Variants in SAMSN1 observed in about 807,000 individuals in gnomAD.
SAMSN1 encodes the protein SAM domain-containing protein SAMSN-1.
In SAMSN1, 31 loss-of-function variants were observed where a neutral mutation model predicts 42.0. The observed-to-expected ratio is 0.74, with a 90% confidence interval of 0.55 to 1.00. SAMSN1 has a LOEUF of 1.00. Among genes scored for constraint, SAMSN1 ranks in the 50% least tolerant of loss-of-function variants. The pLI is 0.00. For missense variants in SAMSN1, 464 were observed against 439.4 expected, an observed-to-expected ratio of 1.06 and a Z score of -0.50; for synonymous variants, 178 against 151.9, an observed-to-expected ratio of 1.17 and a Z score of -1.26.
chr21:14,545,596 A>C (rs1300162489), intron 1 of SAMSN1, among the ~76,000 whole-genome samples: 4 of 152,024 alleles, frequency 2.6e-5, no homozygotes, highest in African/African-American at 7.2e-5. Context: ...CATTCCACAT[A>C]TTACCAATTT....
intron 1 of SAMSN1, among the ~76,000 whole-genome samples, chr21:14,657,225 C>T (rs1412178984): frequency 1.3e-5 from 2 of 151,716 alleles, no homozygotes; most frequent in Non-Finnish European, 2.9e-5. Flanking sequence ...CTTATTAAAG[C>T]AACTGAATTT....
In SAMSN1 at chr21:14,485,754, G is replaced by A; in HGVS notation, c.*158C>T. On this transcript the variant is annotated 3_prime_UTR_variant, in exon 8 of 8. Transcript: ENST00000400566. Reference sequence around the variant, plus strand: ...TTATTGACAGTAATTTGGAATGTTAGAGATACAAAATTTTATGTACAATTA... The same window carrying A: ...TTATTGACAGTAATTTGGAATGTTAAAGATACAAAATTTTATGTACAATTA... The A allele has an allele frequency of 1.8e-6, 1 of 561,130 alleles. No individual in the cohort carries two copies. The highest frequency in any genetic ancestry group is 2.9e-5 in the East Asian group (1 of 34,820). The allele number at this position is 561,130 out of a possible 1,614,324, so 34.8% of individuals were successfully genotyped here.
intron 1 of SAMSN1, among the ~76,000 whole-genome samples, chr21:14,652,558 T>C (rs1983853168): frequency 6.6e-6 from 1 of 152,054 alleles, no homozygotes; most frequent in South Asian, 2.1e-4. Flanking sequence ...ATTCAAGACT[T>C]AAATCTAAGA....
At position 14,648,289 on chromosome 21, in the gene SAMSN1, A is replaced by C. The variant is rs534759218; in HGVS notation, c.25-5156T>G. Among the ~76,000 whole-genome samples, 719 of 152,318 alleles carry C rather than the reference A, an allele frequency of 4.7e-3. 8 individuals are homozygous for C. The highest frequency in any genetic ancestry group is 0.016 in the African/African-American group (685 of 41,550). ...CAATTCAAGATGGATTAAAGACTTA[A>C]ACGTTAGACCTAAAACCATAAAAAC... On this transcript the variant is annotated intron_variant, in intron 1 of 15. Transcript: ENST00000647101.
At chr21:14,495,612 T>TTC (rs1986885866) in intron 7 of SAMSN1, 1 of 152,208 alleles carries the variant, frequency 6.6e-6, no homozygotes, top group East Asian at 1.9e-4. Context: ...CTGGCTGTCA[T>TTC]TAAGTAATCA....
intron 5 of SAMSN1, chr21:14,602,122 C>T (rs534135372): frequency 3.3e-6 from 2 of 603,172 alleles, no homozygotes; most frequent in South Asian, 2.0e-5. Context: ...ATAACTGTTA[C>T]ATACAGAATA....
chr21:14,551,834 G>T, intron 2 of SAMSN1, among the ~76,000 whole-genome samples: 1 of 152,164 alleles, frequency 6.6e-6, no homozygotes, highest in Non-Finnish European at 1.5e-5. Flanking sequence ...GTTTGGTAAC[G>T]TGTCTAGTTT....
chr21:14,630,563 A>G (rs148279992), intron 2 of SAMSN1, among the ~76,000 whole-genome samples: 2 of 152,300 alleles, frequency 1.3e-5, no homozygotes, highest in East Asian at 3.9e-4. Context: ...AATTAAAACT[A>G]CCAAAAGGTG....
upstream of SAMSN1, among the ~76,000 whole-genome samples, chr21:14,549,195 A>G (rs2822765): frequency 0.52 from 79,055 of 151,990 alleles, 20,989 homozygotes; most frequent in East Asian, 0.79. Context: ...CATAAAATTC[A>G]AAGCATAGAT....
chr21:14,605,881 G>A (rs926706561), intron 5 of SAMSN1, among the ~76,000 whole-genome samples: 5 of 149,276 alleles, frequency 3.3e-5, no homozygotes, highest in African/African-American at 9.9e-5. Flanking sequence ...TCACTCTGTC[G>A]CCCAGGCTGG....
chr21:14,510,587 G>T, intron 4 of SAMSN1, 126 bp from the exon 5 acceptor site: 1 of 1,045,934 alleles, frequency 9.6e-7, no homozygotes, highest in Non-Finnish European at 1.4e-6. Flanking sequence ...AGTTCTAATT[G>T]ACCCATCCTG....
chr21:14,559,901 C>A (rs572686360), intron 2 of SAMSN1, among the ~76,000 whole-genome samples: 48 of 152,256 alleles, frequency 3.2e-4, no homozygotes, highest in African/African-American at 1.1e-3. Flanking sequence ...TCCCAGCATT[C>A]TTGTTATGCT....
chr21:14,607,669 G>C (rs568357989), intron 5 of SAMSN1, among the ~76,000 whole-genome samples: 72 of 152,242 alleles, frequency 4.7e-4, no homozygotes, highest in Middle Eastern at 3.4e-3. Flanking sequence ...ACTCATCTAA[G>C]GTCAGGATTC....
chr21:14,586,276 AAAG>A (rs1253940077), upstream of SAMSN1, among the ~76,000 whole-genome samples: 9 of 148,576 alleles, frequency 6.1e-5, no homozygotes, highest in African/African-American at 1.7e-4. Context: ...AAAAAAAAAA[AAAG>A]AAAAAGAAAA....
intron 7 of SAMSN1, among the ~76,000 whole-genome samples, chr21:14,494,452 A>G (rs1438050047): frequency 6.6e-6 from 1 of 152,188 alleles, no homozygotes; most frequent in East Asian, 1.9e-4. Flanking sequence ...CAGCAAACTA[A>G]CACAGGAACA....
At chr21:14,627,030 A>T (rs147943455) in intron 2 of SAMSN1, among the ~76,000 whole-genome samples, 34 of 152,298 alleles carry the variant, frequency 2.2e-4, no homozygotes, top group Middle Eastern at 6.8e-3. Context: ...CACAAAGAGA[A>T]AAAACCAAAC....
chr21:14,501,175 T>C (rs1410390188), intron 5 of SAMSN1, among the ~76,000 whole-genome samples: 6 of 152,242 alleles, frequency 3.9e-5, no homozygotes, highest in African/African-American at 1.4e-4. Context: ...TTACTAGTTA[T>C]AATGAAGAAA....
At chr21:14,500,399 C>T in intron 6 of SAMSN1, 130 bp downstream of exon 6, 1 of 717,206 alleles carries the variant, frequency 1.4e-6, no homozygotes, top group Non-Finnish European at 2.3e-6. Flanking sequence ...AAGAGCTCTT[C>T]TAGGAAAACA....
In SAMSN1 at chr21:14,637,715, GA is replaced by G. The variant is rs1013052987; in HGVS notation, c.156+5286del. 2.0e-3 allele frequency among the ~76,000 whole-genome samples: 294 copies of G among 146,264 alleles called. 3 individuals are homozygous for G. The highest frequency in any genetic ancestry group is 6.8e-3 in the African/African-American group (271 of 39,876). ...TTGGTCATCAGTCTGTATCTTAACT[GA>G]AAAAAAAAAGGTCTTAATCTATTAA... On this transcript the variant is annotated intron_variant, in intron 2 of 15. Transcript: ENST00000647101.
Sources: allele counts gnomAD v4.1 joint callset (sites outside exome capture counted in the v4.1 genomes callset), GRCh38; gene constraint gnomAD v4.1.1; transcripts MANE v1.5; gene names NCBI Gene and HGNC (gene_info 2026-07-23, HGNC 2026-07-21).